Variants in FAM186A observed in about 807,000 individuals in gnomAD.
The protein encoded by FAM186A is protein FAM186A.
In FAM186A, 163 loss-of-function variants were observed where a neutral mutation model predicts 216.8. That is an observed-to-expected ratio of 0.75 (90% CI 0.66 to 0.86). The LOEUF (loss-of-function observed/expected upper bound fraction) is 0.86, where lower values mean the gene tolerates loss of function less well. Among genes scored for constraint, FAM186A ranks in the 40% least tolerant of loss-of-function variants. The pLI, the probability that FAM186A is intolerant of heterozygous loss-of-function variation, is 0.00. For synonymous variants in FAM186A, 805 were observed against 1,025.3 expected, an observed-to-expected ratio of 0.79 and a Z score of 4.10; for missense variants, 2,184 against 2,746.2, an observed-to-expected ratio of 0.80 and a Z score of 4.58.
At chr12:50,360,690 AGT>A in intron 3 of FAM186A, 64 bp downstream of exon 3, 1 of 1,396,748 alleles carries the variant, frequency 7.2e-7, no homozygotes, top group Non-Finnish European at 9.4e-7. Flanking sequence ...AAAAAAAAAA[AGT>A]TGTTTCTCTA....
chr12:50,382,963 C>A (rs114064793), intron 1 of FAM186A, among the ~76,000 whole-genome samples: 1 of 151,690 alleles, frequency 6.6e-6, no homozygotes, highest in Non-Finnish European at 1.5e-5. Context: ...TCGGGCATAG[C>A]GGCTCATGCC....
intron 7 of FAM186A, among the ~76,000 whole-genome samples, chr12:50,329,599 C>CTTT (rs879714835): frequency 2.1e-5 from 3 of 140,238 alleles, no homozygotes; most frequent in Non-Finnish European, 3.1e-5. Context: ...ATTAACACTA[C>CTTT]TTTTTTTTTT....
At chr12:50,373,141 G>A (rs1288234898) in intron 1 of FAM186A, among the ~76,000 whole-genome samples, 1 of 151,928 alleles carries the variant, frequency 6.6e-6, no homozygotes, top group African/African-American at 2.4e-5. Flanking sequence ...GCTCACACCT[G>A]TAATCCCAGC....
At chr12:50,386,680 T>C (rs1366534217) in intron 1 of FAM186A, among the ~76,000 whole-genome samples, 1 of 151,848 alleles carries the variant, frequency 6.6e-6, no homozygotes, top group Non-Finnish European at 1.5e-5. Context: ...GCCAACATGG[T>C]GAAACCCCGT....
chr12:50,343,820 G>A (rs1403343696), intron 4 of FAM186A, among the ~76,000 whole-genome samples: 1 of 151,786 alleles, frequency 6.6e-6, no homozygotes, highest in Non-Finnish European at 1.5e-5. Context: ...GGGTTTCACT[G>A]TGTTAGCCAG....
rs1408646047 is a variant in FAM186A, at chr12:50,355,942, G to A, written c.890C>T (p.Ala297Val). ...STVYAHETSE[A>V]EKELSLKIIR... ...TATCTTCAGAGAGAGCTCCTTTTCT[G>A]CTTCACTTGTCTCATGTGCATACAC... The change falls in exon 4 of 8, where the codon GCA becomes GTA. Residue 297 changes from alanine to valine, a missense_variant. This residue lies in a region of FAM186A where 1,132 missense variants were observed against 1,263.4 expected (regional missense o/e 0.90). Transcript: ENST00000327337. The A allele has an allele frequency of 6.4e-7, 1 of 1,551,416 alleles. No individual in the cohort carries two copies. Among genetic ancestry groups the A allele is most frequent in the East Asian group, 2.4e-5 (1 of 40,906 alleles).
intron 4 of FAM186A, among the ~76,000 whole-genome samples, chr12:50,337,692 T>G (rs541924109): frequency 6.6e-6 from 1 of 151,506 alleles, no homozygotes; most frequent in Non-Finnish European, 1.5e-5. Context: ...GGTCAAGAGA[T>G]CGAGACCATC....
rs567484842 is a variant in FAM186A at position 50,354,433 on chromosome 12, T to C, written c.2399A>G (p.Glu800Gly). 175 of 1,551,440 alleles carry C rather than the reference T, an allele frequency of 1.1e-4. No homozygotes were observed. The highest frequency in any genetic ancestry group is 1.5e-4 in the Non-Finnish European group (169 of 1,147,008). ...NLIQMILAEI[E>G]SERDIPTVST... ...GACTGTTGGAATATCTCTTTCACTT[T>C]CTATTTCAGCCAAGATCATTTGTAT... The change falls in exon 4 of 8, where the codon GAA (glutamate) becomes GGA (glycine). Residue 800 changes from glutamate (E) to glycine (G), a missense_variant. Physicochemically the swap from Glu to Gly is moderately conservative, Grantham distance 98. This residue lies in a region of FAM186A where 1,132 missense variants were observed against 1,263.4 expected (regional missense o/e 0.90). Coordinates refer to ENST00000327337, the MANE Select transcript of FAM186A (RefSeq NM_001145475.3).
intron 3 of FAM186A, among the ~76,000 whole-genome samples, chr12:50,360,255 A>C (rs888032966): frequency 6.6e-6 from 1 of 151,472 alleles, no homozygotes; most frequent in Non-Finnish European, 1.5e-5. Flanking sequence ...AAAAAAAAAA[A>C]AAAAAATTAA....
chr12:50,363,237 G>T lies in FAM186A; in HGVS notation c.320C>A (p.Thr107Asn), dbSNP rs184587740. The T allele has an allele frequency of 1.0e-3, 1,545 of 1,551,410 alleles. 8 individuals carry two copies. The highest frequency in any genetic ancestry group is 7.2e-4 in the Non-Finnish European group (827 of 1,146,918). ...SLTEHKKKQRTNFLEKMATYA... is the reference protein window; with the variant it reads ...SLTEHKKKQRNNFLEKMATYA... The stretch of plus-strand genomic sequence containing the variant: ...AGTAGCCATTTTCTCAAGAAAATTG[G>T]TTCTCTGTTTTTTCTTATGTTCTGT... The change falls in exon 2 of 8, where the codon ACC (threonine) becomes AAC (asparagine). Residue 107 changes from threonine to asparagine, a missense_variant. By Grantham distance (65) the Thr-to-Asn change is moderately conservative. Around this residue, in one of 7 missense-constraint regions of FAM186A, gnomAD observed 1,132 missense variants for 1,263.4 expected, o/e 0.90. Transcript: ENST00000327337.
At chr12:50,376,910 A>G (rs936181679) in intron 1 of FAM186A, among the ~76,000 whole-genome samples, 45 of 151,568 alleles carry the variant, frequency 3.0e-4, no homozygotes, top group African/African-American at 1.0e-3. Context: ...TCAGCTAATT[A>G]TTTTTTATTT....
chr12:50,363,890 T>G (rs1943062147), intron 1 of FAM186A, among the ~76,000 whole-genome samples: 1 of 152,224 alleles, frequency 6.6e-6, no homozygotes, highest in African/African-American at 2.4e-5. Context: ...ATTATCTCCT[T>G]TGCTCAAGAA....
Position 50,351,692 on chromosome 12 carries a change from G to T in FAM186A, c.5140C>A (p.Pro1714Thr). The T allele has an allele frequency of 6.4e-7, 1 of 1,551,570 alleles. No homozygotes were observed. Among genetic ancestry groups the T allele is most frequent in the Non-Finnish European group, 8.7e-7 (1 of 1,146,922 alleles). The part of the protein sequence containing the change: ...TLKQVQWSHR[P>T]FQKSKASLPT... ...AGAGAAGCCTTCGATTTCTGAAATG[G>T]TCTATGGGACCACTGGACTTGCTTA... The change falls in exon 4 of 8, where the codon CCA becomes ACA. Residue 1714 changes from proline (P) to threonine (T), a missense_variant. Around this residue, in one of 7 missense-constraint regions of FAM186A, gnomAD observed 721 missense variants for 816.4 expected, o/e 0.88. Coordinates refer to ENST00000327337, the MANE Select transcript of FAM186A (RefSeq NM_001145475.3).
intron 5 of FAM186A, among the ~76,000 whole-genome samples, chr12:50,332,223 C>A (rs534833880): frequency 6.6e-6 from 1 of 152,342 alleles, no homozygotes; most frequent in Admixed American, 6.5e-5. Flanking sequence ...TTACTAAATA[C>A]TTAGTGAATG....
intron 1 of FAM186A, among the ~76,000 whole-genome samples, chr12:50,385,912 A>G: frequency 6.6e-6 from 1 of 151,968 alleles, no homozygotes; most frequent in Non-Finnish European, 1.5e-5. Flanking sequence ...AAAAAAAAAA[A>G]AAGAAGTCAA....
chr12:50,370,817 C>T (rs74487572), intron 1 of FAM186A, among the ~76,000 whole-genome samples: 18,971 of 151,868 alleles, frequency 0.12, 2,420 homozygotes, highest in East Asian at 0.34. Context: ...ACAATGGAGG[C>T]CAGGCACAGT....
At chr12:50,359,110 A>G (rs1327989533) in intron 3 of FAM186A, among the ~76,000 whole-genome samples, 2 of 134,110 alleles carry the variant, frequency 1.5e-5, no homozygotes, top group East Asian at 5.2e-4. Flanking sequence ...TGGCCATAAT[A>G]AAAAAAAAGA....
chr12:50,362,634 C>T (rs760235117), intron 2 of FAM186A, among the ~76,000 whole-genome samples: 1 of 149,582 alleles, frequency 6.7e-6, no homozygotes, highest in Non-Finnish European at 1.5e-5. Context: ...GTCCCAGCTA[C>T]TAGGGAGGCT....
intron 1 of FAM186A, among the ~76,000 whole-genome samples, chr12:50,391,716 A>G (rs915179353): frequency 1.3e-5 from 2 of 149,350 alleles, no homozygotes; most frequent in Non-Finnish European, 3.0e-5. Flanking sequence ...GCAGATTCTC[A>G]TGCCTCTGCC....
Sources: allele counts gnomAD v4.1 joint callset (sites outside exome capture counted in the v4.1 genomes callset), GRCh38; gene constraint gnomAD v4.1.1; regional missense constraint gnomAD v4.1.1; transcripts MANE v1.5; gene names NCBI Gene and HGNC (gene_info 2026-07-23, HGNC 2026-07-21).